Variants in FGD5 observed in about 807,000 individuals in gnomAD.
FGD5 encodes the protein FYVE, RhoGEF and PH domain containing 5.
Under a neutral mutation model 133.4 loss-of-function variants are expected in FGD5, and 28 were observed. The observed-to-expected ratio is 0.21, with a 90% confidence interval of 0.16 to 0.29. The LOEUF is 0.29. Among genes scored for constraint, FGD5 ranks in the 10% least tolerant of loss-of-function variants. The probability of loss-of-function intolerance (pLI) is 1.00; values close to 1 mark genes in which losing one functional copy is unlikely to be tolerated. For missense variants in FGD5, 1,858 were observed against 1,895.2 expected (o/e 0.98, Z 0.36); for synonymous variants, 810 against 776.5 (o/e 1.04, Z -0.72).
chr3:14,861,953 TG>T (rs1265370819), intron 1 of FGD5, among the ~76,000 whole-genome samples: 3 of 151,908 alleles, frequency 2.0e-5, no homozygotes, highest in African/African-American at 7.3e-5. Flanking sequence ...ACAGCCAGGG[TG>T]AAGTCAGAGA....
intron 1 of FGD5, among the ~76,000 whole-genome samples, chr3:14,843,684 T>G (rs1476477156): frequency 7.5e-5 from 7 of 93,548 alleles, no homozygotes; most frequent in Admixed American, 1.1e-4. Context: ...ATCCCCAGGG[T>G]GCTTTTTTTT....
rs1414040893 is a variant in FGD5 at position 14,903,218 on chromosome 3, A to G, written c.3264+2157A>G. ...GTCTGCACCCCAGCCGCTGGTAACC[A>G]TCATTCTGCTTTCTGAATAGACTTT... On this transcript the variant is annotated intron_variant, in intron 9 of 19. Coordinates refer to ENST00000285046, the MANE Select transcript of FGD5 (RefSeq NM_152536.4). 9.2e-5 allele frequency among the ~76,000 whole-genome samples: 14 copies of G among 152,320 alleles called. No individual in the cohort carries two copies. In the East Asian group the frequency reaches 2.7e-3, roughly 29 times the overall value.
At chr3:14,826,584 C>A (rs2036603429) in intron 1 of FGD5, among the ~76,000 whole-genome samples, 1 of 152,192 alleles carries the variant, frequency 6.6e-6, no homozygotes, top group Non-Finnish European at 1.5e-5. Context: ...CTTGGAATGT[C>A]ATTAAGACTA....
chr3:14,867,877 A>C (rs2037527900), intron 2 of FGD5, among the ~76,000 whole-genome samples: 1 of 152,118 alleles, frequency 6.6e-6, no homozygotes, highest in South Asian at 2.1e-4. Context: ...AGACCAGGGA[A>C]GGTGTGATTG....
intron 9 of FGD5, among the ~76,000 whole-genome samples, chr3:14,903,621 G>A (rs1042615004): frequency 1.3e-5 from 2 of 150,952 alleles, no homozygotes; most frequent in Non-Finnish European, 1.5e-5. Flanking sequence ...TTTTGTTCTT[G>A]CGATAGTTTA....
intron 2 of FGD5, among the ~76,000 whole-genome samples, chr3:14,876,074 C>T (rs142214470): frequency 3.3e-5 from 5 of 152,220 alleles, no homozygotes; most frequent in East Asian, 3.9e-4. Flanking sequence ...GGGGAGGCGA[C>T]GAGATAGGCA....
At chr3:14,846,799 G>A (rs1173795330) in intron 1 of FGD5, among the ~76,000 whole-genome samples, 1 of 152,228 alleles carries the variant, frequency 6.6e-6, no homozygotes, top group African/African-American at 2.4e-5. Flanking sequence ...TGTTGGAGGT[G>A]ACAATGCCTA....
Position 14,915,699 on chromosome 3 carries a change from G to A in FGD5, c.3406-1550G>A, listed in dbSNP as rs548371580. Among the ~76,000 whole-genome samples the A allele has an allele frequency of 8.1e-4, 123 of 151,710 alleles. 1 individual carries two copies. Among genetic ancestry groups the A allele is most frequent in the African/African-American group, 2.9e-3 (119 of 41,336 alleles). ...GCTCACCCTAGTTCATGTTGGCATC[G>A]TGTGTACAGGGCTCACTTTGGTTCA... On this transcript the variant is annotated intron_variant, in intron 11 of 19. Coordinates refer to ENST00000285046, the MANE Select transcript of FGD5 (RefSeq NM_152536.4).
intron 1 of FGD5, among the ~76,000 whole-genome samples, 185 bp downstream of exon 1, chr3:14,821,781 T>A (rs556420196): frequency 4.5e-4 from 69 of 152,306 alleles, no homozygotes; most frequent in African/African-American, 1.6e-3. Context: ...ATGGGACTCA[T>A]GCTACCTCAT....
At chr3:14,866,423 A>T (rs78434736) in intron 2 of FGD5, among the ~76,000 whole-genome samples, 2 of 152,088 alleles carry the variant, frequency 1.3e-5, no homozygotes, top group East Asian at 3.9e-4. Flanking sequence ...GACATTGGCT[A>T]TTACCCAGGA....
rs181495395 is a variant in FGD5 at position 14,891,621 on chromosome 3, A to T, written c.2749-5888A>T. On this transcript the variant is annotated intron_variant, in intron 4 of 19. Transcript: ENST00000285046. The stretch of plus-strand genomic sequence containing the variant: ...AACCAGCTCATCCTCCCTCCTTGGG[A>T]CTGCAAGCCAGAGTGGGCCACCCTC... Among the ~76,000 whole-genome samples the T allele has an allele frequency of 6.8e-4, 104 of 152,228 alleles. 1 individual carries two copies. Among genetic ancestry groups the T allele is most frequent in the African/African-American group, 2.5e-3 (103 of 41,536 alleles).
chr3:14,906,082 TG>T (rs2038334770), intron 9 of FGD5, among the ~76,000 whole-genome samples: 1 of 152,182 alleles, frequency 6.6e-6, no homozygotes, highest in Non-Finnish European at 1.5e-5. Context: ...CTGTGACCTG[TG>T]GGGTAGGTCA....
chr3:14,894,353 T>C (rs1396449390), intron 4 of FGD5, among the ~76,000 whole-genome samples: 1 of 152,218 alleles, frequency 6.6e-6, no homozygotes, highest in Non-Finnish European at 1.5e-5. Context: ...TATCCATTCA[T>C]CTGTTGAGGT....
chr3:14,907,481 C>G (rs113422975), intron 9 of FGD5, among the ~76,000 whole-genome samples, 159 bp from the exon 10 acceptor site: 1 of 152,230 alleles, frequency 6.6e-6, no homozygotes, highest in African/African-American at 2.4e-5. Context: ...GACCCAGGCT[C>G]GGATCCCAGT....
chr3:14,828,062 G>A (rs571716817), intron 1 of FGD5, among the ~76,000 whole-genome samples: 1 of 152,184 alleles, frequency 6.6e-6, no homozygotes, highest in African/African-American at 2.4e-5. Flanking sequence ...GAGTGAATGT[G>A]TTGGCTAACT....
chr3:14,885,027 T>G (rs2037898470), intron 4 of FGD5, among the ~76,000 whole-genome samples: 1 of 151,696 alleles, frequency 6.6e-6, no homozygotes, highest in Non-Finnish European at 1.5e-5. Flanking sequence ...CACTATCTCT[T>G]TTGCCTAATA....
chr3:14,820,834 T>C lies in FGD5; in HGVS notation c.1763T>C (p.Val588Ala). 6.2e-7 allele frequency: 1 copy of C among 1,613,842 alleles called. No individual in the cohort carries two copies. The highest frequency in any genetic ancestry group is 8.5e-7 in the Non-Finnish European group (1 of 1,179,842). The part of the protein sequence containing the change: ...RKEDNLSLSC[V>A]IGSSGSFSQR... ...GAGGACAATCTCTCTCTGTCGTGTG[T>C]AATTGGCTCCTCTGGGAGTTTCTCC... The change falls in exon 1 of 20, where the codon GTA becomes GCA. Residue 588 changes from valine to alanine, a missense_variant. By Grantham distance (64) the Val-to-Ala change is moderately conservative. Around this residue, in one of 3 missense-constraint regions of FGD5, gnomAD observed 1,824 missense variants for 1,848.9 expected, o/e 0.99. Transcript: ENST00000285046.
intron 2 of FGD5, among the ~76,000 whole-genome samples, chr3:14,868,910 GC>G (rs1376831611): frequency 2.0e-5 from 3 of 152,186 alleles, no homozygotes; most frequent in Non-Finnish European, 4.4e-5. Flanking sequence ...GTCCCTGCCT[GC>G]CCTGTTGGAG....
intron 1 of FGD5, chr3:14,811,380 T>G (rs188957740): frequency 6.6e-6 from 1 of 152,250 alleles, no homozygotes; most frequent in Non-Finnish European, 1.5e-5. Context: ...TCCTGCTCCC[T>G]TCTCTCCTCC....
Sources: gnomAD v4.1 joint callset for allele counts (sites outside exome capture counted in the v4.1 genomes callset) on GRCh38, gnomAD v4.1.1 for gene constraint, gnomAD v4.1.1 regional missense constraint, MANE v1.5 for transcripts, NCBI Gene and HGNC (gene_info 2026-07-23, HGNC 2026-07-21) for gene names.